RALYL: variants seen among roughly 807,000 people sequenced by gnomAD.
RALYL encodes the protein RALY RNA binding protein like, also known as RNA-binding Raly-like protein.
RALYL carries 29 observed loss-of-function variants against 35.1 expected under a neutral mutation model. That is an observed-to-expected ratio of 0.83 (90% CI 0.61 to 1.13). The LOEUF (loss-of-function observed/expected upper bound fraction) is 1.13. RALYL is among the 50% of genes most tolerant of loss of function. The pLI, the probability that RALYL is intolerant of heterozygous loss-of-function variation, is 0.00. For synonymous variants in RALYL, 120 were observed against 127.6 expected (o/e 0.94, Z 0.40); for missense variants, 359 against 360.4 (o/e 1.00, Z 0.03).
intron 2 of RALYL, among the ~76,000 whole-genome samples, chr8:84,547,712 T>C (rs1171503972): frequency 3.3e-5 from 5 of 152,196 alleles, no homozygotes; most frequent in African/African-American, 1.2e-4. Context: ...GAAGACCTTT[T>C]CATTGTCATT....
chr8:84,237,898 A>C (rs1826938957), intron 1 of RALYL, among the ~76,000 whole-genome samples: 2 of 152,116 alleles, frequency 1.3e-5, no homozygotes, highest in Admixed American at 1.3e-4. Context: ...GAAATTGAAG[A>C]GAAAGGTACA....
chr8:84,676,491 C>G (rs1436142351), intron 2 of RALYL, among the ~76,000 whole-genome samples: 5 of 152,164 alleles, frequency 3.3e-5, no homozygotes, highest in African/African-American at 1.2e-4. Flanking sequence ...TCCCTTGTCC[C>G]AGTTAGCATT....
chr8:84,232,340 T>C (rs1586394196), intron 1 of RALYL, among the ~76,000 whole-genome samples: 3 of 152,108 alleles, frequency 2.0e-5, no homozygotes, highest in Non-Finnish European at 4.4e-5. Context: ...AAGTGAGAGA[T>C]GAAAGGTTAC....
At chr8:84,485,097 C>T (rs1440853520) in intron 1 of RALYL, among the ~76,000 whole-genome samples, 1 of 152,124 alleles carries the variant, frequency 6.6e-6, no homozygotes, top group Non-Finnish European at 1.5e-5. Flanking sequence ...GCTTTATCCT[C>T]TTCTAACTTT....
At chr8:84,611,495 CACTT>C (rs1352860809) in intron 2 of RALYL, among the ~76,000 whole-genome samples, 1 of 152,008 alleles carries the variant, frequency 6.6e-6, no homozygotes, top group African/African-American at 2.4e-5. Flanking sequence ...TAAATAGAGA[CACTT>C]AGAGATATGC....
chr8:84,489,199 T>C (rs1249345253), intron 1 of RALYL, among the ~76,000 whole-genome samples: 2 of 152,062 alleles, frequency 1.3e-5, no homozygotes, highest in East Asian at 1.9e-4. Flanking sequence ...CTAGCTACTA[T>C]TGGCTTTTCT....
intron 2 of RALYL, among the ~76,000 whole-genome samples, chr8:84,569,590 ATT>A (rs1807415853): frequency 1.3e-5 from 2 of 151,838 alleles, no homozygotes; most frequent in Non-Finnish European, 2.9e-5. Context: ...TTCCAGTTTA[ATT>A]AACTGTCATT....
At chr8:84,673,131 A>C (rs2131849128) in intron 2 of RALYL, among the ~76,000 whole-genome samples, 1 of 152,216 alleles carries the variant, frequency 6.6e-6, no homozygotes, top group African/African-American at 2.4e-5. Flanking sequence ...AGTGATGTTA[A>C]GCTTTTTTTC....
intron 2 of RALYL, among the ~76,000 whole-genome samples, chr8:84,673,936 T>C (rs2131859298): frequency 6.6e-6 from 1 of 152,322 alleles, no homozygotes; most frequent in Non-Finnish European, 1.5e-5. Flanking sequence ...TAGTTTAATG[T>C]GAACAGCATT....
chr8:84,920,184 A>G (rs982311690), intron 8 of RALYL, among the ~76,000 whole-genome samples: 2 of 152,120 alleles, frequency 1.3e-5, no homozygotes, highest in African/African-American at 4.8e-5. Flanking sequence ...TTTGAAGTTG[A>G]TGGGATAACA....
intron 1 of RALYL, among the ~76,000 whole-genome samples, chr8:84,312,590 A>G (rs1270449456): frequency 6.6e-6 from 1 of 152,218 alleles, no homozygotes; most frequent in Non-Finnish European, 1.5e-5. Context: ...ACCTATGCAC[A>G]TCCAAAACAT....
intron 2 of RALYL, among the ~76,000 whole-genome samples, chr8:84,660,257 C>T (rs943999771): frequency 1.3e-5 from 2 of 151,920 alleles, no homozygotes; most frequent in Admixed American, 1.3e-4. Flanking sequence ...TGATATATCT[C>T]ATTTATATTA....
intron 2 of RALYL, among the ~76,000 whole-genome samples, chr8:84,701,664 G>A (rs897130886): frequency 6.6e-6 from 1 of 152,096 alleles, no homozygotes; most frequent in Non-Finnish European, 1.5e-5. Flanking sequence ...AGGGGGTGAG[G>A]TGACTCCAGT....
intron 2 of RALYL, 105 bp downstream of exon 2, chr8:84,529,682 C>G: frequency 2.3e-6 from 2 of 852,608 alleles, no homozygotes; most frequent in Non-Finnish European, 3.4e-6. Context: ...CTTCTTTAAC[C>G]AATTAGAGTG....
intron 2 of RALYL, among the ~76,000 whole-genome samples, chr8:84,674,764 T>G (rs1262786751): frequency 6.6e-6 from 1 of 152,176 alleles, no homozygotes; most frequent in African/African-American, 2.4e-5. Context: ...ATTTCCTTTT[T>G]AGCTCTTAGT....
chr8:84,293,941 G>A (rs1376464146), intron 1 of RALYL, among the ~76,000 whole-genome samples: 1 of 151,978 alleles, frequency 6.6e-6, no homozygotes, highest in Non-Finnish European at 1.5e-5. Flanking sequence ...CCTTTTACTT[G>A]TGATACCAAA....
intron 1 of RALYL, chr8:84,184,843 C>T (rs1812089792): frequency 3.5e-6 from 3 of 851,460 alleles, no homozygotes; most frequent in Admixed American, 2.0e-5. Flanking sequence ...TAGAGGGGAC[C>T]CTCAGAGCAC....
chr8:84,566,124 G>T (rs1007128472), intron 2 of RALYL, among the ~76,000 whole-genome samples: 1 of 151,380 alleles, frequency 6.6e-6, no homozygotes, highest in African/African-American at 2.4e-5. Context: ...TAGGTCATTT[G>T]GATGTCATTA....
chr8:84,577,153 AGTT>A (rs1809652449), intron 2 of RALYL, among the ~76,000 whole-genome samples: 1 of 152,236 alleles, frequency 6.6e-6, no homozygotes, highest in Non-Finnish European at 1.5e-5. Context: ...GCAGGCCAAC[AGTT>A]GCGTTTGGCG....
Sources: allele counts gnomAD v4.1 joint callset (sites outside exome capture counted in the v4.1 genomes callset), GRCh38; gene constraint gnomAD v4.1.1; transcripts MANE v1.5; gene names NCBI Gene and HGNC (gene_info 2026-07-23, HGNC 2026-07-21).